Variants in RIT2 observed in about 807,000 individuals in gnomAD.
The protein encoded by RIT2 is Ras like without CAAX 2, also known as GTP-binding protein Rit2.
RIT2 carries 24 observed loss-of-function variants against 23.7 expected under a neutral mutation model. That is an observed-to-expected ratio of 1.01 (90% confidence interval 0.73 to 1.43). The LOEUF is 1.43. Ranked by LOEUF, RIT2 falls within the 40% of genes most tolerant of loss-of-function variation. The pLI is 0.00. For synonymous variants in RIT2, 107 were observed against 91.1 expected, an observed-to-expected ratio of 1.17 and a Z score of -0.99; for missense variants, 236 against 266.9, an observed-to-expected ratio of 0.88 and a Z score of 0.81.
intron 1 of RIT2, among the ~76,000 whole-genome samples, chr18:43,085,045 A>C (rs1461494299): frequency 2.0e-5 from 3 of 152,092 alleles, no homozygotes; most frequent in African/African-American, 7.2e-5. Context: ...AGAGTAGGAA[A>C]GAGTAGAATG....
At chr18:42,751,343 A>G (rs1172909547) in intron 4 of RIT2, among the ~76,000 whole-genome samples, 1 of 151,918 alleles carries the variant, frequency 6.6e-6, no homozygotes, top group African/African-American at 2.4e-5. Context: ...TTGTATATCT[A>G]TAGTACATAT....
At chr18:43,088,468 T>A (rs937292761) in intron 1 of RIT2, among the ~76,000 whole-genome samples, 1 of 152,196 alleles carries the variant, frequency 6.6e-6, no homozygotes, top group Non-Finnish European at 1.5e-5. Flanking sequence ...GATACCTCTA[T>A]TGCATAAAAT....
At chr18:43,044,971 T>G (rs1342431845) in intron 1 of RIT2, among the ~76,000 whole-genome samples, 1 of 152,184 alleles carries the variant, frequency 6.6e-6, no homozygotes, top group Non-Finnish European at 1.5e-5. Context: ...CAAAGAATAT[T>G]AAAAACTAAA....
chr18:42,777,335 G>A (rs989315495), intron 4 of RIT2, among the ~76,000 whole-genome samples: 5 of 151,850 alleles, frequency 3.3e-5, no homozygotes, highest in African/African-American at 1.2e-4. Flanking sequence ...ACATAAATTT[G>A]GGATTCAACA....
chr18:42,967,573 A>C (rs1387600272), intron 3 of RIT2, among the ~76,000 whole-genome samples: 1 of 33,036 alleles, frequency 3.0e-5, no homozygotes, highest in Admixed American at 3.3e-4. Flanking sequence ...TTGTATTTTT[A>C]GTAGAGACGG....
chr18:43,058,808 G>A (rs1260329004), intron 1 of RIT2, among the ~76,000 whole-genome samples: 6 of 152,092 alleles, frequency 3.9e-5, no homozygotes, highest in Non-Finnish European at 5.9e-5. Flanking sequence ...AGAATTACTT[G>A]AGCCTGGGAG....
intron 1 of RIT2, among the ~76,000 whole-genome samples, chr18:43,096,651 T>A (rs1913561006): frequency 6.6e-6 from 1 of 151,932 alleles, no homozygotes; most frequent in African/African-American, 2.4e-5. Flanking sequence ...GTTAGTATGT[T>A]TGTTTGGTGA....
chr18:43,109,172 A>G (rs529997309), intron 1 of RIT2, among the ~76,000 whole-genome samples: 1 of 152,354 alleles, frequency 6.6e-6, no homozygotes, highest in African/African-American at 2.4e-5. Context: ...AAATCCTGCT[A>G]CATGAAACTG....
chr18:43,030,369 T>C (rs1455463152), intron 2 of RIT2, among the ~76,000 whole-genome samples: 1 of 152,060 alleles, frequency 6.6e-6, no homozygotes, highest in Non-Finnish European at 1.5e-5. Context: ...GAAAATGCTG[T>C]AAGACAGAAA....
At chr18:42,928,620 T>C (rs187949112) in intron 3 of RIT2, among the ~76,000 whole-genome samples, 4 of 151,860 alleles carry the variant, frequency 2.6e-5, no homozygotes, top group Non-Finnish European at 5.9e-5. Context: ...ACAGAAAAAA[T>C]TATAAAGGAT....
At chr18:42,791,057 T>C (rs1190264592) in intron 4 of RIT2, among the ~76,000 whole-genome samples, 1 of 152,214 alleles carries the variant, frequency 6.6e-6, no homozygotes, top group East Asian at 1.9e-4. Flanking sequence ...TTGTTGTTCA[T>C]AGAATAAGCA....
At chr18:43,030,953 C>T (rs1012853752) in intron 2 of RIT2, among the ~76,000 whole-genome samples, 7 of 152,056 alleles carry the variant, frequency 4.6e-5, no homozygotes, top group African/African-American at 1.7e-4. Flanking sequence ...ATTCATCTTT[C>T]TCTCACAGAA....
At chr18:42,775,414 C>T (rs888762015) in intron 4 of RIT2, among the ~76,000 whole-genome samples, 2 of 152,056 alleles carry the variant, frequency 1.3e-5, no homozygotes, top group East Asian at 3.9e-4. Flanking sequence ...ATGCCATACC[C>T]GGCAGGGCAT....
At chr18:43,091,834 C>T (rs1913430257) in intron 1 of RIT2, among the ~76,000 whole-genome samples, 1 of 152,040 alleles carries the variant, frequency 6.6e-6, no homozygotes, top group Admixed American at 6.6e-5. Flanking sequence ...TTTTATTTAA[C>T]CTTTCCTTCT....
rs945179451 is a variant in RIT2 at position 43,008,348 on chromosome 18, G to A, written c.160+25463C>T. 4.6e-5 allele frequency among the ~76,000 whole-genome samples: 7 copies of A among 151,350 alleles called. No individual in the cohort carries two copies. The South Asian group carries it at 8.3e-4, about 18-fold the overall frequency. On this transcript the variant is annotated intron_variant, in intron 2 of 4. Coordinates refer to ENST00000326695, the MANE Select transcript of RIT2 (RefSeq NM_002930.4). The stretch of plus-strand genomic sequence containing the variant: ...TATTAAGAGAGTGGGGAAAATAATG[G>A]TAAACTATAGTTCTACTTTTATCAA...
chr18:43,044,406 G>T (rs939505771), intron 1 of RIT2, among the ~76,000 whole-genome samples: 2 of 152,114 alleles, frequency 1.3e-5, no homozygotes, highest in Admixed American at 1.3e-4. Flanking sequence ...ATTCAGCACT[G>T]GTGGTTTGGT....
chr18:43,042,211 T>A (rs1221394572), intron 1 of RIT2, among the ~76,000 whole-genome samples: 1 of 152,072 alleles, frequency 6.6e-6, no homozygotes, highest in Admixed American at 6.5e-5. Flanking sequence ...TTACTCAAAC[T>A]CTCTGACTTA....
chr18:43,047,766 A>T (rs1013387574), intron 1 of RIT2, among the ~76,000 whole-genome samples: 4 of 152,210 alleles, frequency 2.6e-5, no homozygotes, highest in Middle Eastern at 3.2e-3. Flanking sequence ...GAGCATGGTT[A>T]GAAAATTTGG....
At chr18:43,057,680 A>G (rs1197995598) in intron 1 of RIT2, among the ~76,000 whole-genome samples, 1 of 151,474 alleles carries the variant, frequency 6.6e-6, no homozygotes, top group African/African-American at 2.4e-5. Context: ...TGGGTTTAAG[A>G]TTAGGGGTAT....
Sources: gnomAD v4.1 joint callset for allele counts (sites outside exome capture counted in the v4.1 genomes callset) on GRCh38, gnomAD v4.1.1 for gene constraint, MANE v1.5 for transcripts, NCBI Gene and HGNC (gene_info 2026-07-23, HGNC 2026-07-21) for gene names.